IREB2: variants seen among roughly 807,000 people sequenced by gnomAD.
The protein encoded by IREB2 is iron responsive element binding protein 2, also known as iron-responsive element-binding protein 2.
Under a neutral mutation model 118.8 loss-of-function variants are expected in IREB2, and 39 were observed. The ratio of observed to expected loss-of-function variants is 0.33; its 90% CI spans 0.25 to 0.43. The LOEUF is 0.43. Ranked by LOEUF, IREB2 falls within the 20% of genes least tolerant of loss-of-function variation. The pLI, the probability that IREB2 is intolerant of heterozygous loss-of-function variation, is 1.00. For synonymous variants in IREB2, 372 were observed against 392.2 expected, an observed-to-expected ratio of 0.95 and a Z score of 0.61; for missense variants, 900 against 1,147.3, an observed-to-expected ratio of 0.78 and a Z score of 3.11.
chr15:78,455,357 GAGGAAGAA>G (rs910274939), intron 2 of IREB2, among the ~76,000 whole-genome samples: 4 of 152,116 alleles, frequency 2.6e-5, no homozygotes, highest in African/African-American at 9.7e-5. Flanking sequence ...GGAGAGTAGG[GAGGAAGAA>G]AGGAAATAAA....
At chr15:78,442,251 T>G (rs931126397) in intron 2 of IREB2, among the ~76,000 whole-genome samples, 1 of 77,226 alleles carries the variant, frequency 1.3e-5, no homozygotes, top group Non-Finnish European at 3.4e-5. Context: ...TAATAATTAC[T>G]TAAGTAATTT....
chr15:78,454,605 T>C (rs1193207167), intron 2 of IREB2, among the ~76,000 whole-genome samples: 1 of 152,234 alleles, frequency 6.6e-6, no homozygotes, highest in Non-Finnish European at 1.5e-5. Flanking sequence ...TACAACTTGG[T>C]AAACTTACGT....
rs570564467 is a variant in IREB2 at position 78,452,151 on chromosome 15, T to C, written c.107-10771T>C. Among the ~76,000 whole-genome samples the C allele has an allele frequency of 1.2e-4, 19 of 152,234 alleles. No homozygotes were observed. In the East Asian group the frequency reaches 2.3e-3, roughly 19 times the overall value. On this transcript the variant is annotated intron_variant, in intron 2 of 21. Transcript: ENST00000258886. ...GTTGGGACTAGATTTAATGGTGATA[T>C]TGATAGAAGACAAAAAGATGTAGGA...
intron 18 of IREB2, among the ~76,000 whole-genome samples, 191 bp downstream of exon 18, chr15:78,490,952 C>T (rs11858804): frequency 3.8e-3 from 579 of 151,906 alleles, no homozygotes; most frequent in Non-Finnish European, 6.7e-3. Flanking sequence ...CTGTACTTGT[C>T]TTTGCTTGTG....
chr15:78,464,276 A>G (rs2051244919), intron 3 of IREB2, among the ~76,000 whole-genome samples: 1 of 152,166 alleles, frequency 6.6e-6, no homozygotes, highest in African/African-American at 2.4e-5. Context: ...CAGAGCCTTT[A>G]CCATACTCTG....
intron 5 of IREB2, among the ~76,000 whole-genome samples, chr15:78,467,207 G>GAAAA (rs1195020422): frequency 1.9e-5 from 1 of 53,304 alleles, no homozygotes; most frequent in Non-Finnish European, 4.7e-5. Flanking sequence ...TGAGACTGTC[G>GAAAA]CAAAAAAAAA....
Position 78,488,325 on chromosome 15 carries a change from C to T in IREB2, c.1940C>T (p.Thr647Ile). 1 of 1,590,522 alleles carries T rather than the reference C, an allele frequency of 6.3e-7. No individual in the cohort carries two copies. The highest frequency in any genetic ancestry group is 8.5e-7 in the Non-Finnish European group (1 of 1,173,480). Residue 647 changes from threonine (T) to isoleucine (I), a missense_variant, in exon 15 of 22, where the codon ACA becomes ATA. By Grantham distance (89) the Thr-to-Ile change is moderately conservative. Coordinates refer to ENST00000258886, the MANE Select transcript of IREB2 (RefSeq NM_004136.4). ...IAGTVNIDFQ[T>I]EPLGTDPTGK... The stretch of plus-strand genomic sequence containing the variant: ...GGCACAGTGAATATAGATTTCCAGA[C>T]AGAACCTTTAGGTATCTTTTCCTTT...
chr15:78,473,337 A>G lies in IREB2; in HGVS notation c.979A>G (p.Asn327Asp), dbSNP rs770391806. ...TGGATGTGAGTTAACTGGGTCATCA[A>G]ACCCTTTTGTTACATCCATAGATGT... ...VVGCELTGSS[N>D]PFVTSIDVVL... The change falls in exon 8 of 22, where the codon AAC becomes GAC. Residue 327 changes from asparagine to aspartate, a missense_variant. By Grantham distance (23) the Asn-to-Asp change is conservative (BLOSUM62 1). Transcript: ENST00000258886. The G allele has an allele frequency of 9.9e-6, 16 of 1,613,966 alleles. No homozygotes were observed. The highest frequency in any genetic ancestry group is 1.7e-5 in the Admixed American group (1 of 60,018).
At chr15:78,490,272 C>G in intron 16 of IREB2, 150 bp from the exon 17 acceptor site, 1 of 525,478 alleles carries the variant, frequency 1.9e-6, no homozygotes, top group Non-Finnish European at 3.4e-6. Context: ...AGAATACACT[C>G]TTAATTTTCT....
chr15:78,493,900 T>G lies in IREB2; in HGVS notation c.2325-9T>G. The G allele has an allele frequency of 6.2e-7, 1 of 1,604,202 alleles. No individual in the cohort carries two copies. Among genetic ancestry groups the G allele is most frequent in the Non-Finnish European group, 8.5e-7 (1 of 1,175,724 alleles). ...GTAATGAAAACTGACTTTCATTACT[T>G]TCTTGTAGCCTTACCCCTCGTGAAT... On this transcript the variant is annotated splice_polypyrimidine_tract_variant and intron_variant, in intron 18 of 21. Transcript: ENST00000258886.
At chr15:78,468,853 G>A (rs1387976493) in intron 5 of IREB2, among the ~76,000 whole-genome samples, 1 of 152,100 alleles carries the variant, frequency 6.6e-6, no homozygotes, top group African/African-American at 2.4e-5. Context: ...TCTTGTTCCT[G>A]TTGCCTAGTT....
intron 9 of IREB2, 50 bp from the exon 10 acceptor site, chr15:78,478,247 C>G (rs199790396): frequency 8.2e-7 from 1 of 1,220,036 alleles, no homozygotes; most frequent in African/African-American, 1.5e-5. Flanking sequence ...AAAATAATAA[C>G]TAAATAAATT....
At position 78,478,304 on chromosome 15, in the gene IREB2, C is replaced by A; in HGVS notation, c.1203C>A (p.Ser401Arg). 1 of 1,607,542 alleles carries A rather than the reference C, an allele frequency of 6.2e-7. No individual in the cohort carries two copies. Among genetic ancestry groups the A allele is most frequent in the Non-Finnish European group, 8.5e-7 (1 of 1,175,070 alleles). ...TLKHLEHTGFSKAKLESMETY... is the reference protein window; with the variant it reads ...TLKHLEHTGFRKAKLESMETY... Reference sequence around the variant, plus strand: ...TGTTCATCTTCGTTTTAGGTTTTAGCAAAGCCAAACTCGAATCAATGGAAA... The same window carrying A: ...TGTTCATCTTCGTTTTAGGTTTTAGAAAAGCCAAACTCGAATCAATGGAAA... Residue 401 changes from serine to arginine, a missense_variant, in exon 10 of 22, where the codon AGC (serine) becomes AGA (arginine). Ser to Arg is a moderately radical substitution (Grantham distance 110). Coordinates refer to ENST00000258886, the MANE Select transcript of IREB2 (RefSeq NM_004136.4).
At chr15:78,479,516 T>C (rs574770280) in intron 10 of IREB2, among the ~76,000 whole-genome samples, 2 of 151,854 alleles carry the variant, frequency 1.3e-5, no homozygotes, top group Non-Finnish European at 2.9e-5. Flanking sequence ...GGATTACAGG[T>C]GTGAACCACC....
intron 21 of IREB2, 71 bp downstream of exon 21, chr15:78,497,382 G>T (rs1213719270): frequency 8.9e-7 from 1 of 1,128,262 alleles, no homozygotes; most frequent in African/African-American, 1.6e-5. Context: ...AGAATCAATT[G>T]CTGTAAATTA....
intron 2 of IREB2, among the ~76,000 whole-genome samples, 179 bp from the exon 3 acceptor site, chr15:78,462,743 C>CA (rs1418229042): frequency 1.3e-5 from 2 of 152,128 alleles, no homozygotes; most frequent in Non-Finnish European, 2.9e-5. Flanking sequence ...AAGTCAGTTA[C>CA]AAAACACCTG....
intron 2 of IREB2, among the ~76,000 whole-genome samples, chr15:78,440,365 C>T (rs2050826691): frequency 7.9e-6 from 1 of 126,582 alleles, no homozygotes. Context: ...TTTCTCTTTT[C>T]TTTTCTTTTT....
upstream of IREB2, chr15:78,438,163 A>G (rs570013420): frequency 2.6e-5 from 15 of 579,282 alleles, no homozygotes; most frequent in African/African-American, 2.8e-4. Context: ...TAGGCGACAA[A>G]TCCCGCGAGC....
At position 78,487,776 on chromosome 15, in the gene IREB2, A is replaced by G. The variant is rs1456385296; in HGVS notation, c.1753A>G (p.Thr585Ala). Residue 585 changes from threonine to alanine, a missense_variant, in exon 14 of 22, where the codon ACA becomes GCA. Coordinates refer to ENST00000258886, the MANE Select transcript of IREB2 (RefSeq NM_004136.4). ...TGGATGTTCAATTTGTGTGGGAAAT[A>G]CAGCACCCTTATCAGACGCAGTTTT... The part of the protein sequence containing the change: ...GYGCSICVGN[T>A]APLSDAVLNA... 6.2e-7 allele frequency: 1 copy of G among 1,609,694 alleles called. No homozygotes were observed. Among genetic ancestry groups the G allele is most frequent in the Non-Finnish European group, 8.5e-7 (1 of 1,176,312 alleles).
Sources: allele counts gnomAD v4.1 joint callset (sites outside exome capture counted in the v4.1 genomes callset), GRCh38; gene constraint gnomAD v4.1.1; transcripts MANE v1.5; gene names NCBI Gene and HGNC (gene_info 2026-07-23, HGNC 2026-07-21).